The following MAGI3 variants were observed in gnomAD, a reference collection of about 807,000 sequenced individuals.
MAGI3 encodes the protein membrane associated guanylate kinase, WW and PDZ domain containing 3.
MAGI3 carries 43 observed loss-of-function variants against 121.8 expected under a neutral mutation model. The observed-to-expected ratio is 0.35, with a 90% CI of 0.28 to 0.46. MAGI3 has a LOEUF of 0.46. MAGI3 is among the 20% of genes least tolerant of loss of function. The pLI is 1.00. For missense variants in MAGI3, 1,547 were observed against 1,797.3 expected, an observed-to-expected ratio of 0.86 and a Z score of 2.52; for synonymous variants, 553 against 639.3, an observed-to-expected ratio of 0.86 and a Z score of 2.04.
At chr1:113,529,516 C>T (rs1486276738) in intron 1 of MAGI3, among the ~76,000 whole-genome samples, 1 of 152,256 alleles carries the variant, frequency 6.6e-6, no homozygotes, top group African/African-American at 2.4e-5. Context: ...ATCAAAGGCC[C>T]CACCTCCTCA....
chr1:113,541,051 TA>T (rs1393953018), intron 1 of MAGI3, among the ~76,000 whole-genome samples: 1 of 151,758 alleles, frequency 6.6e-6, no homozygotes, highest in Non-Finnish European at 1.5e-5. Flanking sequence ...TTCTTCTGAT[TA>T]TAAATGCATT....
At chr1:113,510,038 G>A (rs1405573249) in intron 1 of MAGI3, among the ~76,000 whole-genome samples, 1 of 152,152 alleles carries the variant, frequency 6.6e-6, no homozygotes, top group African/African-American at 2.4e-5. Flanking sequence ...TACACATGCA[G>A]TTTCTGTGGC....
intron 1 of MAGI3, among the ~76,000 whole-genome samples, chr1:113,429,981 C>T (rs1284233560): frequency 6.6e-6 from 1 of 152,062 alleles, no homozygotes; most frequent in Admixed American, 6.6e-5. Flanking sequence ...CTTAGTGTTT[C>T]AGAAACACTA....
At chr1:113,519,094 G>A (rs964469647) in intron 1 of MAGI3, among the ~76,000 whole-genome samples, 15 of 152,000 alleles carry the variant, frequency 9.9e-5, no homozygotes, top group African/African-American at 3.6e-4. Flanking sequence ...AGAAACCAAA[G>A]CCTCAAGAAT....
intron 1 of MAGI3, among the ~76,000 whole-genome samples, chr1:113,413,698 G>A (rs558870525): frequency 6.6e-6 from 1 of 152,156 alleles, no homozygotes; most frequent in East Asian, 1.9e-4. Context: ...ATGGTGTATA[G>A]GAATGCCTGT....
At chr1:113,540,681 A>G (rs1260726505) in intron 1 of MAGI3, among the ~76,000 whole-genome samples, 1 of 152,204 alleles carries the variant, frequency 6.6e-6, no homozygotes, top group Non-Finnish European at 1.5e-5. Context: ...TATAGATGCA[A>G]TAGCATTTTC....
At chr1:113,631,712 G>GT (rs1415331714) in intron 9 of MAGI3, among the ~76,000 whole-genome samples, 1 of 151,950 alleles carries the variant, frequency 6.6e-6, no homozygotes, top group African/African-American at 2.4e-5. Context: ...AAATCTTGCC[G>GT]TTTTTCCCAA....
At chr1:113,491,920 A>G (rs967190048) in intron 1 of MAGI3, among the ~76,000 whole-genome samples, 1 of 152,232 alleles carries the variant, frequency 6.6e-6, no homozygotes, top group Non-Finnish European at 1.5e-5. Flanking sequence ...ACAGATTCAC[A>G]GCTGAATTCT....
chr1:113,598,807 T>C (rs912329602), intron 6 of MAGI3, among the ~76,000 whole-genome samples: 1 of 151,984 alleles, frequency 6.6e-6, no homozygotes, highest in Non-Finnish European at 1.5e-5. Context: ...TAAACTACAC[T>C]CTAGAACAAA....
intron 1 of MAGI3, among the ~76,000 whole-genome samples, chr1:113,479,205 A>G (rs955020430): frequency 1.3e-5 from 2 of 152,186 alleles, no homozygotes; most frequent in African/African-American, 4.8e-5. Flanking sequence ...TGCGCTTCCC[A>G]GGTGAGGTGA....
At chr1:113,634,874 G>T (rs1024178373) in intron 9 of MAGI3, among the ~76,000 whole-genome samples, 1 of 152,146 alleles carries the variant, frequency 6.6e-6, no homozygotes, top group Non-Finnish European at 1.5e-5. Flanking sequence ...AGCATGGAAT[G>T]TTCTTCCATT....
intron 1 of MAGI3, among the ~76,000 whole-genome samples, chr1:113,393,071 T>A (rs1650913666): frequency 6.6e-6 from 1 of 152,212 alleles, no homozygotes; most frequent in Admixed American, 6.5e-5. Context: ...TATTGTGATC[T>A]TTTTTAGAAG....
chr1:113,478,905 A>C (rs1655982698), intron 1 of MAGI3, among the ~76,000 whole-genome samples: 1 of 152,224 alleles, frequency 6.6e-6, no homozygotes, highest in African/African-American at 2.4e-5. Context: ...GGCTTCACCT[A>C]GTTCAAGCTT....
intron 1 of MAGI3, among the ~76,000 whole-genome samples, chr1:113,428,827 G>T (rs1442491271): frequency 6.6e-6 from 1 of 152,180 alleles, no homozygotes; most frequent in South Asian, 2.1e-4. Context: ...AGTTGAATAA[G>T]TAGGTTCATA....
At chr1:113,577,794 G>A (rs977933677) in intron 2 of MAGI3, among the ~76,000 whole-genome samples, 1 of 152,134 alleles carries the variant, frequency 6.6e-6, no homozygotes, top group African/African-American at 2.4e-5. Context: ...TTAAGTAGTT[G>A]CCTAAATTGT....
chr1:113,648,551 C>T (rs1777238), intron 12 of MAGI3, among the ~76,000 whole-genome samples: 110,604 of 151,638 alleles, frequency 0.73, 40,855 homozygotes, highest in African/African-American at 0.77. Flanking sequence ...ATACAACCTA[C>T]CCTTTGAGGG....
At chr1:113,445,241 A>C (rs1654115521) in intron 1 of MAGI3, among the ~76,000 whole-genome samples, 2 of 152,140 alleles carry the variant, frequency 1.3e-5, no homozygotes, top group African/African-American at 4.8e-5. Flanking sequence ...CATGAATATA[A>C]ACATCCAAAA....
chr1:113,459,262 G>A (rs1175023647), intron 1 of MAGI3, among the ~76,000 whole-genome samples: 1 of 152,078 alleles, frequency 6.6e-6, no homozygotes, highest in African/African-American at 2.4e-5. Context: ...GAGAATGATC[G>A]ATTTAATGAA....
chr1:113,414,630 A>C (rs1232333784), intron 1 of MAGI3, among the ~76,000 whole-genome samples: 1 of 151,672 alleles, frequency 6.6e-6, no homozygotes. Flanking sequence ...GAATTTATCT[A>C]TTTTTTCTAG....
Sources: allele counts gnomAD v4.1 joint callset (sites outside exome capture counted in the v4.1 genomes callset), GRCh38; gene constraint gnomAD v4.1.1; transcripts MANE v1.5; gene names NCBI Gene and HGNC (gene_info 2026-07-23, HGNC 2026-07-21).